The following GRIA2 variants were observed in gnomAD, a reference collection of about 807,000 sequenced individuals.
The protein encoded by GRIA2 is glutamate ionotropic receptor AMPA type subunit 2.
A neutral mutation model predicts 97.3 loss-of-function variants in GRIA2; 14 were observed. The ratio of observed to expected loss-of-function variants is 0.14; its 90% CI spans 0.10 to 0.23. The LOEUF is 0.23. GRIA2 is among the 10% of genes least tolerant of loss of function. GRIA2 has a pLI of 1.00. For synonymous variants in GRIA2, 412 were observed against 387.8 expected, an observed-to-expected ratio of 1.06 and a Z score of -0.73; for missense variants, 558 against 1,069.8, an observed-to-expected ratio of 0.52 and a Z score of 6.67.
chr4:157,307,908 C>T (rs1407949843), intron 3 of GRIA2, among the ~76,000 whole-genome samples: 1 of 152,166 alleles, frequency 6.6e-6, no homozygotes, highest in African/African-American at 2.4e-5. Context: ...CCTGAGAGAG[C>T]TGATGAGGGA....
chr4:157,266,895 C>T (rs975248925), intron 2 of GRIA2, among the ~76,000 whole-genome samples: 6 of 151,604 alleles, frequency 4.0e-5, no homozygotes, highest in Admixed American at 2.6e-4. Context: ...TCTGTCTCTA[C>T]AAAAATATTT....
chr4:157,249,757 G>A (rs1352830227), intron 2 of GRIA2: 2 of 152,084 alleles, frequency 1.3e-5, no homozygotes, highest in African/African-American at 4.8e-5. Context: ...AGACGCTAAG[G>A]ATGTATTTAC....
chr4:157,363,130 G>C (rs1482960909), intron 15 of GRIA2, 83 bp downstream of exon 15: 2 of 1,348,168 alleles, frequency 1.5e-6, no homozygotes, highest in African/African-American at 2.9e-5. Context: ...AATAAGGAAG[G>C]TGGCCAATGG....
intron 5 of GRIA2, among the ~76,000 whole-genome samples, chr4:157,320,293 T>C (rs897534426): frequency 3.9e-5 from 6 of 152,086 alleles, no homozygotes; most frequent in African/African-American, 7.2e-5. Context: ...AATGGTTTTG[T>C]CATGTAAGCA....
intron 11 of GRIA2, 126 bp downstream of exon 11, chr4:157,336,873 G>A: frequency 1.3e-6 from 1 of 778,720 alleles, no homozygotes; most frequent in Non-Finnish European, 2.1e-6. Context: ...TAAGACTCTT[G>A]AAGGACATCC....
chr4:157,338,014 A>G (rs1455948542), intron 11 of GRIA2, among the ~76,000 whole-genome samples: 94 of 7,624 alleles, frequency 0.012, no homozygotes, highest in Admixed American at 0.023. Context: ...ATGTGTATAT[A>G]TATATATATA....
chr4:157,312,791 A>G lies in GRIA2; in HGVS notation c.582A>G (p.Ser194=). 1 of 1,610,750 alleles carries G rather than the reference A, an allele frequency of 6.2e-7. No individual in the cohort carries two copies. Among genetic ancestry groups the G allele is most frequent in the Non-Finnish European group, 8.5e-7 (1 of 1,177,342 alleles). ...ACAAGAAAGATGAGATGTACCGATC[A>G]CTTTTTCAAGATCTGGAGTTAAAAA... The part of the protein sequence containing the change: ...NNDKKDEMYR[S]LFQDLELKKE... Residue 194 remains serine, a synonymous_variant, in exon 4 of 16, where the codon TCA becomes TCG. Coordinates refer to ENST00000264426, the MANE Select transcript of GRIA2 (RefSeq NM_001083619.3).
At chr4:157,245,026 A>G (rs1034979737) in intron 2 of GRIA2, among the ~76,000 whole-genome samples, 2 of 152,066 alleles carry the variant, frequency 1.3e-5, no homozygotes, top group African/African-American at 4.8e-5. Flanking sequence ...TAAAAAAATA[A>G]TAGCAGATTG....
intron 6 of GRIA2, among the ~76,000 whole-genome samples, chr4:157,329,086 T>A (rs1436929200): frequency 2.0e-5 from 3 of 151,968 alleles, no homozygotes; most frequent in Admixed American, 2.0e-4. Context: ...TAGTTGAATT[T>A]GAAATTAAGA....
chr4:157,316,613 A>C (rs1475279985), intron 4 of GRIA2, among the ~76,000 whole-genome samples: 1 of 152,138 alleles, frequency 6.6e-6, no homozygotes, highest in Non-Finnish European at 1.5e-5. Context: ...GGTGATGAGA[A>C]GAAGCTTCCC....
intron 2 of GRIA2, among the ~76,000 whole-genome samples, chr4:157,252,387 A>G (rs1338600356): frequency 6.6e-6 from 1 of 152,116 alleles, no homozygotes; most frequent in African/African-American, 2.4e-5. Flanking sequence ...TTTATTTTTT[A>G]GAAGAATAAA....
At chr4:157,270,323 C>T (rs1731959305) in intron 2 of GRIA2, among the ~76,000 whole-genome samples, 1 of 152,042 alleles carries the variant, frequency 6.6e-6, no homozygotes, top group African/African-American at 2.4e-5. Context: ...GGTATTGGCT[C>T]ATGCTGAGAG....
In GRIA2 at chr4:157,223,893, T is replaced by TTAAGATA. The variant is rs577618835; in HGVS notation, c.229+2086_229+2087insTAAGATA. On this transcript the variant is annotated intron_variant, in intron 2 of 15. Coordinates refer to ENST00000264426, the MANE Select transcript of GRIA2 (RefSeq NM_001083619.3). ...GCTAAACTACTGTATTGGGGCTTTA[T>TTAAGATA]AAAGATAAAAGACTGTGATTAGGTT... 2.6e-3 allele frequency among the ~76,000 whole-genome samples: 403 copies of TTAAGATA among 152,334 alleles called. 2 individuals are homozygous for TTAAGATA. The highest frequency in any genetic ancestry group is 8.9e-3 in the African/African-American group (370 of 41,598).
At chr4:157,314,356 A>G (rs1734219584) in intron 4 of GRIA2, among the ~76,000 whole-genome samples, 1 of 152,324 alleles carries the variant, frequency 6.6e-6, no homozygotes, top group Admixed American at 6.5e-5. Context: ...GACATACAAA[A>G]TAGATCTTTC....
chr4:157,277,814 C>CTATATATATATGTATATATG lies in GRIA2; in HGVS notation c.230-25708_230-25689dup, dbSNP rs1431855162. 8.2e-3 allele frequency among the ~76,000 whole-genome samples: 737 copies of CTATATATATATGTATATATG among 89,422 alleles called. 9 individuals carry two copies. Among genetic ancestry groups the CTATATATATATGTATATATG allele is most frequent in the African/African-American group, 0.022 (477 of 21,420 alleles). 58.7% of individuals were successfully genotyped at this position (89,422 alleles called of 152,430 possible). ...GTATGAATATAATAAAATATGTATGCTATATATATATGTATATATGTATAT... is the reference window on the plus strand; with the variant it reads ...GTATGAATATAATAAAATATGTATGCTATATATATATGTATATATGTATATATATATGTATATATGTATAT... On this transcript the variant is annotated intron_variant, in intron 2 of 15. Transcript: ENST00000264426.
chr4:157,291,424 T>A (rs529611901), intron 2 of GRIA2, among the ~76,000 whole-genome samples: 1 of 152,120 alleles, frequency 6.6e-6, no homozygotes, highest in South Asian at 2.1e-4. Context: ...TTATGTAACT[T>A]GCAATATATT....
At chr4:157,224,359 G>T (rs1729647303) in intron 2 of GRIA2, among the ~76,000 whole-genome samples, 1 of 152,108 alleles carries the variant, frequency 6.6e-6, no homozygotes, top group Admixed American at 6.5e-5. Context: ...TTGCTAAAAA[G>T]AACTAGGGGG....
intron 2 of GRIA2, among the ~76,000 whole-genome samples, chr4:157,237,356 A>T (rs895021973): frequency 6.6e-6 from 1 of 150,636 alleles, no homozygotes; most frequent in Non-Finnish European, 1.5e-5. Flanking sequence ...GTGCAGTGGC[A>T]TGATCATGGC....
rs139834975 is a variant in GRIA2 at position 157,237,488 on chromosome 4, C to T, written c.229+15681C>T. ...TTAAAAATAGTCTGACTGTGTGGAC[C>T]GGGCTAGTCTCAAACTCCTGGCCTC... On this transcript the variant is annotated intron_variant, in intron 2 of 15. Transcript: ENST00000264426. Among the ~76,000 whole-genome samples, 455 of 151,922 alleles carry T rather than the reference C, an allele frequency of 3.0e-3. 11 individuals carry two copies. The highest frequency in any genetic ancestry group is 3.3e-3 in the Admixed American group (51 of 15,226).
Sources: gnomAD v4.1 joint callset for allele counts (sites outside exome capture counted in the v4.1 genomes callset) on GRCh38, gnomAD v4.1.1 for gene constraint, MANE v1.5 for transcripts, NCBI Gene and HGNC (gene_info 2026-07-23, HGNC 2026-07-21) for gene names.